The following TMEM17 variants were observed in gnomAD, a reference collection of about 807,000 sequenced individuals.
TMEM17 encodes the protein transmembrane protein 17.
In TMEM17, 15 loss-of-function variants were observed where a neutral mutation model predicts 19.1. The observed-to-expected ratio is 0.78, with a 90% confidence interval of 0.52 to 1.21. TMEM17 has a LOEUF of 1.21. Ranked by LOEUF, TMEM17 falls within the 50% of genes most tolerant of loss-of-function variation. The pLI is 0.00. For synonymous variants in TMEM17, 103 were observed against 86.9 expected, an observed-to-expected ratio of 1.19 and a Z score of -1.03; for missense variants, 245 against 242.3, an observed-to-expected ratio of 1.01 and a Z score of -0.07.
the TMEM17 span, among the ~76,000 whole-genome samples, chr2:62,473,305 T>C: frequency 6.6e-6 from 1 of 152,108 alleles, no homozygotes; most frequent in African/African-American, 2.4e-5. Context: ...AAACCCAGAA[T>C]CCAGAGTAAG....
the TMEM17 span, among the ~76,000 whole-genome samples, chr2:62,483,471 T>C: frequency 6.6e-6 from 1 of 152,164 alleles, no homozygotes; most frequent in South Asian, 2.1e-4. Flanking sequence ...ATTTGCATTC[T>C]CCGTATGGAG....
At chr2:62,505,085 G>C (rs1680028373) in intron 1 of TMEM17, among the ~76,000 whole-genome samples, 1 of 152,078 alleles carries the variant, frequency 6.6e-6, no homozygotes, top group Non-Finnish European at 1.5e-5. Flanking sequence ...TGGGAAATAG[G>C]CAAGTGATCA....
the TMEM17 span, among the ~76,000 whole-genome samples, chr2:62,459,674 G>A: frequency 2.0e-5 from 3 of 152,252 alleles, no homozygotes; most frequent in Admixed American, 2.0e-4. Context: ...TAACCTGAGA[G>A]AAAAAGAGAA....
chr2:62,471,165 T>C, the TMEM17 span, among the ~76,000 whole-genome samples: 1 of 152,160 alleles, frequency 6.6e-6, no homozygotes, highest in African/African-American at 2.4e-5. Context: ...AGGCACTTAA[T>C]GCGTGTGGAG....
At chr2:62,467,883 C>CT in the TMEM17 span, among the ~76,000 whole-genome samples, 637 of 135,066 alleles carry the variant, frequency 4.7e-3, 6 homozygotes, top group African/African-American at 0.012. Flanking sequence ...GCCATCTCTC[C>CT]TTTTTTTTTT....
chr2:62,478,221 C>A, the TMEM17 span, among the ~76,000 whole-genome samples: 1 of 152,168 alleles, frequency 6.6e-6, no homozygotes, highest in Non-Finnish European at 1.5e-5. Context: ...TGAGGGATGC[C>A]TTGACGGAGC....
the TMEM17 span, among the ~76,000 whole-genome samples, chr2:62,468,138 C>A: frequency 1.3e-5 from 2 of 152,076 alleles, no homozygotes; most frequent in Non-Finnish European, 2.9e-5. Flanking sequence ...AGGAAAGCCC[C>A]TTTCCACTTC....
chr2:62,454,020 C>T, the TMEM17 span, among the ~76,000 whole-genome samples: 1 of 152,174 alleles, frequency 6.6e-6, no homozygotes, highest in East Asian at 1.9e-4. Context: ...GGCCTGTTTT[C>T]TAGAAGGAAC....
chr2:62,505,302 T>C (rs1410645682), intron 1 of TMEM17, among the ~76,000 whole-genome samples: 1 of 152,134 alleles, frequency 6.6e-6, no homozygotes, highest in East Asian at 1.9e-4. Context: ...TCACTTGACA[T>C]CAAGTTAAAG....
the TMEM17 span, among the ~76,000 whole-genome samples, chr2:62,476,208 T>A: frequency 7.5e-6 from 1 of 133,718 alleles, no homozygotes; most frequent in Admixed American, 6.9e-5. Context: ...TTTCTATGTA[T>A]GTTGTTGCAG....
At chr2:62,487,013 T>G in the TMEM17 span, among the ~76,000 whole-genome samples, 2 of 152,218 alleles carry the variant, frequency 1.3e-5, no homozygotes, top group African/African-American at 2.4e-5. Flanking sequence ...AGAACTTGTT[T>G]CAGTCCTTGG....
chr2:62,473,027 A>G, the TMEM17 span, among the ~76,000 whole-genome samples: 1 of 152,228 alleles, frequency 6.6e-6, no homozygotes, highest in Non-Finnish European at 1.5e-5. Flanking sequence ...AATAAGAACC[A>G]AACTCAGAGA....
chr2:62,501,693 C>G (rs902527638), intron 3 of TMEM17: 2 of 535,698 alleles, frequency 3.7e-6, no homozygotes, highest in Non-Finnish European at 6.5e-6. Context: ...GAATACTACA[C>G]TTTAGTGAAC....
chr2:62,494,240 C>T, the TMEM17 span, among the ~76,000 whole-genome samples: 1 of 152,158 alleles, frequency 6.6e-6, no homozygotes, highest in African/African-American at 2.4e-5. Context: ...AAATACAGAG[C>T]GTATCTTCTG....
downstream of TMEM17, among the ~76,000 whole-genome samples, chr2:62,497,204 TTCCTCCTGGTATCTCTGCC>T (rs1381535388): frequency 5.3e-5 from 8 of 152,216 alleles, no homozygotes; most frequent in African/African-American, 1.9e-4. Flanking sequence ...CTTAATCACA[TTCCTCCTGGTATCTCTGCC>T]TCTGGTCCAA....
At chr2:62,467,336 C>T in the TMEM17 span, among the ~76,000 whole-genome samples, 8 of 152,086 alleles carry the variant, frequency 5.3e-5, no homozygotes, top group African/African-American at 1.9e-4. Context: ...TAGTCCAATC[C>T]CTTCATTGTG....
the TMEM17 span, among the ~76,000 whole-genome samples, chr2:62,456,561 A>G: frequency 6.6e-6 from 1 of 152,216 alleles, no homozygotes; most frequent in Non-Finnish European, 1.5e-5. Flanking sequence ...TCACACCAGC[A>G]AAGTCCGTTT....
chr2:62,465,192 G>A, the TMEM17 span, among the ~76,000 whole-genome samples: 1 of 152,186 alleles, frequency 6.6e-6, no homozygotes, highest in Non-Finnish European at 1.5e-5. Context: ...AATTAGGAAT[G>A]AACAAGGACA....
At chr2:62,459,675 A>T in the TMEM17 span, among the ~76,000 whole-genome samples, 1 of 152,292 alleles carries the variant, frequency 6.6e-6, no homozygotes, top group African/African-American at 2.4e-5. Context: ...AACCTGAGAG[A>T]AAAAGAGAAT....
Sources: allele counts gnomAD v4.1 joint callset (sites outside exome capture counted in the v4.1 genomes callset), GRCh38; gene constraint gnomAD v4.1.1; transcripts MANE v1.5; gene names NCBI Gene and HGNC (gene_info 2026-07-23, HGNC 2026-07-21).